PAN3: variants seen among roughly 807,000 people sequenced by gnomAD.
The protein encoded by PAN3 is PAN2-PAN3 deadenylation complex subunit PAN3.
A neutral mutation model predicts 96.2 loss-of-function variants in PAN3; 19 were observed. The ratio of observed to expected loss-of-function variants is 0.20; its 90% CI spans 0.14 to 0.29. The LOEUF (loss-of-function observed/expected upper bound fraction) is 0.29, where lower values mean the gene tolerates loss of function less well. PAN3 is among the 10% of genes least tolerant of loss of function. PAN3 has a pLI of 1.00. For missense variants in PAN3, 882 were observed against 1,108.1 expected (o/e 0.80, Z 2.90); for synonymous variants, 433 against 406.6 (o/e 1.06, Z -0.78).
chr13:28,199,727 C>G (rs184241409), intron 5 of PAN3, among the ~76,000 whole-genome samples: 274 of 152,092 alleles, frequency 1.8e-3, no homozygotes, highest in African/African-American at 6.2e-3. Flanking sequence ...CTTACCAATT[C>G]CATACCATTT....
At chr13:28,147,322 AT>A (rs1324832895) in intron 1 of PAN3, among the ~76,000 whole-genome samples, 2 of 152,154 alleles carry the variant, frequency 1.3e-5, no homozygotes, top group Non-Finnish European at 2.9e-5. Context: ...ATTTACGATG[AT>A]TCGACTTCCA....
intron 6 of PAN3, among the ~76,000 whole-genome samples, chr13:28,245,955 A>G (rs1202746844): frequency 6.6e-6 from 1 of 152,110 alleles, no homozygotes; most frequent in African/African-American, 2.4e-5. Context: ...CTTTTTGGTA[A>G]TTATGCATAA....
chr13:28,270,643 C>T (rs1886536908), intron 12 of PAN3, 58 bp from the exon 13 acceptor site: 1 of 1,545,410 alleles, frequency 6.5e-7, no homozygotes, highest in South Asian at 1.2e-5. Context: ...GATGTTAATG[C>T]TTTAGTCTTT....
chr13:28,276,281 A>G (rs1887055907), intron 14 of PAN3, among the ~76,000 whole-genome samples: 1 of 152,212 alleles, frequency 6.6e-6, no homozygotes, highest in Admixed American at 6.5e-5. Flanking sequence ...ATGTTCAGTA[A>G]ATGAACGTGT....
At chr13:28,199,697 T>C (rs1204677534) in intron 5 of PAN3, among the ~76,000 whole-genome samples, 1 of 152,188 alleles carries the variant, frequency 6.6e-6, no homozygotes, top group Non-Finnish European at 1.5e-5. Context: ...TTTTATCTTT[T>C]TCTTGTGAGA....
intron 1 of PAN3, among the ~76,000 whole-genome samples, chr13:28,148,856 A>G (rs1871012696): frequency 6.6e-6 from 1 of 152,168 alleles, no homozygotes; most frequent in South Asian, 2.1e-4. Context: ...TGGCTGTGTA[A>G]ATATTCCATT....
At chr13:28,147,094 A>G (rs894884250) in intron 1 of PAN3, among the ~76,000 whole-genome samples, 1 of 152,246 alleles carries the variant, frequency 6.6e-6, no homozygotes, top group Non-Finnish European at 1.5e-5. Context: ...CATTGTTACC[A>G]ACAAATCAAT....
At chr13:28,204,065 T>C (rs1264424470) in intron 5 of PAN3, among the ~76,000 whole-genome samples, 1 of 152,146 alleles carries the variant, frequency 6.6e-6, no homozygotes, top group Non-Finnish European at 1.5e-5. Context: ...CACCTTGGCC[T>C]CCCAAAGTGC....
At chr13:28,165,247 T>C (rs1275143001) in intron 1 of PAN3, among the ~76,000 whole-genome samples, 1 of 151,960 alleles carries the variant, frequency 6.6e-6, no homozygotes, top group Non-Finnish European at 1.5e-5. Flanking sequence ...TGGTCCAAAG[T>C]TTGAAATTTT....
intron 1 of PAN3, among the ~76,000 whole-genome samples, chr13:28,171,320 G>GT (rs989134783): frequency 6.6e-6 from 1 of 152,104 alleles, no homozygotes; most frequent in African/African-American, 2.4e-5. Context: ...GAAGTGTGGA[G>GT]TTTTTTTCCC....
chr13:28,247,261 C>A (rs183723137), intron 6 of PAN3, among the ~76,000 whole-genome samples: 296 of 151,918 alleles, frequency 1.9e-3, no homozygotes, highest in African/African-American at 6.7e-3. Context: ...TAAAATCAGA[C>A]TATTTGGATT....
At chr13:28,275,453 C>A (rs1392567263) in intron 14 of PAN3, among the ~76,000 whole-genome samples, 1 of 151,756 alleles carries the variant, frequency 6.6e-6, no homozygotes, top group East Asian at 1.9e-4. Flanking sequence ...GAAAATTCTG[C>A]TGCTTGAAGA....
intron 4 of PAN3, among the ~76,000 whole-genome samples, chr13:28,184,894 C>A (rs1311791200): frequency 6.6e-6 from 1 of 152,084 alleles, no homozygotes; most frequent in African/African-American, 2.4e-5. Flanking sequence ...TCACATGTTA[C>A]AGTTTCCCTC....
intron 9 of PAN3, among the ~76,000 whole-genome samples, chr13:28,261,789 C>T (rs751069112): frequency 6.6e-5 from 10 of 150,908 alleles, no homozygotes; most frequent in Non-Finnish European, 1.2e-4. Context: ...GCTATAATCG[C>T]CCCACTGCAC....
chr13:28,203,201 T>C lies in PAN3; in HGVS notation c.852+5855T>C, dbSNP rs543169762. On this transcript the variant is annotated intron_variant, in intron 5 of 18. Transcript: ENST00000380958. Reference sequence around the variant, plus strand: ...TTCTTGAACTCCTGGCCTCCCAAAGTGCTGGGATTACAGGTGTGAGCTGCC... The same window carrying C: ...TTCTTGAACTCCTGGCCTCCCAAAGCGCTGGGATTACAGGTGTGAGCTGCC... 4.0e-3 allele frequency among the ~76,000 whole-genome samples: 612 copies of C among 152,162 alleles called. 8 individuals carry two copies. Among genetic ancestry groups the C allele is most frequent in the African/African-American group, 0.014 (584 of 41,522 alleles).
At chr13:28,186,655 A>T (rs1876509516) in intron 4 of PAN3, among the ~76,000 whole-genome samples, 1 of 152,212 alleles carries the variant, frequency 6.6e-6, no homozygotes, top group African/African-American at 2.4e-5. Flanking sequence ...CATACAAGTT[A>T]AATAAAATGG....
intron 5 of PAN3, among the ~76,000 whole-genome samples, chr13:28,207,045 AGGCAGGGCGGGTTCCT>A (rs1566186896): frequency 6.6e-6 from 1 of 152,194 alleles, no homozygotes; most frequent in African/African-American, 2.4e-5. Flanking sequence ...CCTCTCACAG[AGGCAGGGCGGGTTCCT>A]GTAAAAAATA....
chr13:28,238,171 A>G (rs9551449), intron 6 of PAN3, among the ~76,000 whole-genome samples: 19,548 of 152,216 alleles, frequency 0.13, 1,468 homozygotes, highest in East Asian at 0.32. Context: ...TTACCAGTAC[A>G]TAGGTTAAGG....
chr13:28,293,387 G>GTTTTTTTTTTTTTTTTT lies in PAN3; in HGVS notation c.*878_*894dup, dbSNP rs71086844. ...ACTTTAGGTTCTTTCCAGTTTGCTG[G>GTTTTTTTTTTTTTTTTT]TTTTTTTTTTTTTTTTTTTTTTTTT... On this transcript the variant is annotated 3_prime_UTR_variant, in exon 19 of 19. Transcript: ENST00000380958. 1.9e-4 allele frequency: 4 copies of GTTTTTTTTTTTTTTTTT among 21,356 alleles called. No individual in the cohort carries two copies. The highest frequency in any genetic ancestry group is 8.0e-4 in the African/African-American group (4 of 4,970). 1.3% of individuals were successfully genotyped at this position (21,356 alleles called of 1,614,324 possible). A position where few individuals can be genotyped will look rare whatever the true frequency, so the allele number is the denominator to read the frequency against.
Sources: allele counts gnomAD v4.1 joint callset (sites outside exome capture counted in the v4.1 genomes callset), GRCh38; gene constraint gnomAD v4.1.1; transcripts MANE v1.5; gene names NCBI Gene and HGNC (gene_info 2026-07-23, HGNC 2026-07-21).